Variants in LUZP2 observed in about 807,000 individuals in gnomAD.
The protein encoded by LUZP2 is leucine zipper protein 2.
A neutral mutation model predicts 51.6 loss-of-function variants in LUZP2; 52 were observed. The ratio of observed to expected loss-of-function variants is 1.01; its 90% CI spans 0.81 to 1.27. The LOEUF (loss-of-function observed/expected upper bound fraction) is 1.27. Ranked by LOEUF, LUZP2 falls within the 50% of genes most tolerant of loss-of-function variation. LUZP2 has a pLI of 0.00. For missense variants in LUZP2, 436 were observed against 395.4 expected (o/e 1.10, Z -0.87); for synonymous variants, 154 against 137.3 (o/e 1.12, Z -0.85).
intron 1 of LUZP2, among the ~76,000 whole-genome samples, chr11:24,589,122 G>T (rs1853173594): frequency 6.6e-6 from 1 of 152,062 alleles, no homozygotes; most frequent in African/African-American, 2.4e-5. Context: ...CTGGCTATTG[G>T]ACATCCCCTC....
At chr11:24,967,601 A>G (rs1456916188) in intron 7 of LUZP2, among the ~76,000 whole-genome samples, 1 of 151,896 alleles carries the variant, frequency 6.6e-6, no homozygotes, top group Non-Finnish European at 1.5e-5. Flanking sequence ...GTTCTTCAGA[A>G]TGAATCATTT....
rs145776509 is a variant in LUZP2, at chr11:24,796,175, C to T, written c.396+32867C>T. On this transcript the variant is annotated intron_variant, in intron 5 of 11. Coordinates refer to ENST00000336930, the MANE Select transcript of LUZP2 (RefSeq NM_001009909.4). Reference sequence around the variant, plus strand: ...AACCTTCTGAACACGCAGGGGTATACGTTTTAGGGGTCAAATTGCTCTGGG... The same window carrying T: ...AACCTTCTGAACACGCAGGGGTATATGTTTTAGGGGTCAAATTGCTCTGGG... Among the ~76,000 whole-genome samples the T allele has an allele frequency of 3.5e-3, 530 of 152,056 alleles. 2 individuals carry two copies. The highest frequency in any genetic ancestry group is 0.012 in the African/African-American group (508 of 41,496).
intron 1 of LUZP2, among the ~76,000 whole-genome samples, chr11:24,526,265 CA>C (rs71041769): frequency 0.42 from 59,901 of 141,142 alleles, 12,499 homozygotes; most frequent in South Asian, 0.58. Flanking sequence ...CACTAGGGGG[CA>C]AAAAAAAAAA....
intron 4 of LUZP2, among the ~76,000 whole-genome samples, chr11:24,748,563 G>A (rs1424914662): frequency 2.0e-5 from 3 of 151,744 alleles, no homozygotes; most frequent in East Asian, 3.9e-4. Context: ...AGGTTCAAAC[G>A]ATTCTCCTGC....
At chr11:24,853,501 A>G (rs891389175) in intron 5 of LUZP2, among the ~76,000 whole-genome samples, 2 of 151,794 alleles carry the variant, frequency 1.3e-5, no homozygotes, top group African/African-American at 4.8e-5. Flanking sequence ...TAAATGGGTT[A>G]CTCTAGTTAG....
chr11:25,072,151 C>A (rs1859177320), intron 10 of LUZP2, among the ~76,000 whole-genome samples: 1 of 152,076 alleles, frequency 6.6e-6, no homozygotes, highest in Non-Finnish European at 1.5e-5. Flanking sequence ...CATAGATATG[C>A]CTGATCTCAA....
intron 1 of LUZP2, among the ~76,000 whole-genome samples, chr11:24,587,498 A>C (rs990143576): frequency 6.6e-6 from 1 of 152,128 alleles, no homozygotes; most frequent in Non-Finnish European, 1.5e-5. Context: ...TTTTAGAGAA[A>C]GTTTGTGATC....
At chr11:24,859,112 A>G (rs1851655764) in intron 5 of LUZP2, among the ~76,000 whole-genome samples, 3 of 152,216 alleles carry the variant, frequency 2.0e-5, no homozygotes. Context: ...TAATAGAAGA[A>G]GATGACTTAA....
chr11:24,533,801 A>AT (rs1431203515), intron 1 of LUZP2, among the ~76,000 whole-genome samples: 1 of 142,304 alleles, frequency 7.0e-6, no homozygotes, highest in Non-Finnish European at 1.6e-5. Context: ...CCATGTGCAC[A>AT]TATAAAAAAT....
intron 1 of LUZP2, among the ~76,000 whole-genome samples, chr11:24,714,342 T>C (rs1565094174): frequency 6.6e-6 from 1 of 152,138 alleles, no homozygotes; most frequent in Non-Finnish European, 1.5e-5. Flanking sequence ...GAAAATATGC[T>C]TTTCTTTCTA....
At chr11:24,713,310 T>C (rs553263736) in intron 1 of LUZP2, among the ~76,000 whole-genome samples, 35 of 152,276 alleles carry the variant, frequency 2.3e-4, no homozygotes, top group Non-Finnish European at 4.3e-4. Flanking sequence ...AAAAACTACC[T>C]GTGTCATCAT....
intron 10 of LUZP2, among the ~76,000 whole-genome samples, chr11:25,066,173 A>T (rs530764382): frequency 2.8e-5 from 3 of 105,978 alleles, no homozygotes; most frequent in Non-Finnish European, 6.3e-5. Context: ...CTATTTTGTG[A>T]CTGAAAAAAT....
At chr11:25,004,369 G>T (rs1264638298) in intron 9 of LUZP2, among the ~76,000 whole-genome samples, 4 of 152,166 alleles carry the variant, frequency 2.6e-5, no homozygotes, top group Non-Finnish European at 5.9e-5. Flanking sequence ...ACCAAGGTTT[G>T]TTTGCCTGAA....
intron 5 of LUZP2, among the ~76,000 whole-genome samples, chr11:24,839,062 T>A (rs939829604): frequency 2.0e-5 from 3 of 151,658 alleles, no homozygotes; most frequent in African/African-American, 7.2e-5. Context: ...CAATTCAAAT[T>A]TATGTATGAG....
At chr11:25,034,304 A>G (rs1857785104) in intron 9 of LUZP2, among the ~76,000 whole-genome samples, 1 of 151,910 alleles carries the variant, frequency 6.6e-6, no homozygotes, top group Non-Finnish European at 1.5e-5. Flanking sequence ...TTTAATTTCC[A>G]TATAGATTCT....
intron 10 of LUZP2, among the ~76,000 whole-genome samples, chr11:25,061,693 C>A (rs576237906): frequency 5.9e-5 from 9 of 152,050 alleles, no homozygotes; most frequent in Non-Finnish European, 1.0e-4. Context: ...TTAAATAATT[C>A]TCCAGACTAA....
chr11:24,623,265 G>A (rs902749099), intron 1 of LUZP2, among the ~76,000 whole-genome samples: 1 of 149,742 alleles, frequency 6.7e-6, no homozygotes, highest in Non-Finnish European at 1.5e-5. Flanking sequence ...AAAATTTACG[G>A]GACTTAAAGA....
intron 1 of LUZP2, among the ~76,000 whole-genome samples, chr11:24,606,372 A>G (rs1478967571): frequency 6.6e-6 from 1 of 151,994 alleles, no homozygotes; most frequent in African/African-American, 2.4e-5. Flanking sequence ...GCACATTTAA[A>G]GTAGGCTATG....
At chr11:24,781,284 T>G (rs918585191) in intron 5 of LUZP2, among the ~76,000 whole-genome samples, 1 of 152,098 alleles carries the variant, frequency 6.6e-6, no homozygotes, top group East Asian at 1.9e-4. Context: ...CTGAAACATT[T>G]CACCTTTTGT....
Sources: gnomAD v4.1 joint callset for allele counts (sites outside exome capture counted in the v4.1 genomes callset) on GRCh38, gnomAD v4.1.1 for gene constraint, MANE v1.5 for transcripts, NCBI Gene and HGNC (gene_info 2026-07-23, HGNC 2026-07-21) for gene names.